Variants in SGCZ observed in about 807,000 individuals in gnomAD.
SGCZ encodes sarcoglycan zeta, also known as zeta-sarcoglycan.
Under a neutral mutation model 41.3 loss-of-function variants are expected in SGCZ, and 40 were observed. The observed-to-expected ratio is 0.97, with a 90% CI of 0.75 to 1.26. The LOEUF (loss-of-function observed/expected upper bound fraction) is 1.26, where lower values mean the gene tolerates loss of function less well. Ranked by LOEUF, SGCZ falls within the 50% of genes most tolerant of loss-of-function variation. The probability of loss-of-function intolerance (pLI) is 0.00; values close to 1 mark genes in which losing one functional copy is unlikely to be tolerated. For synonymous variants in SGCZ, 206 were observed against 137.5 expected (o/e 1.50, Z -3.49); for missense variants, 552 against 369.8 (o/e 1.49, Z -4.04).
chr8:14,215,095 T>C (rs1805949421), intron 4 of SGCZ, among the ~76,000 whole-genome samples: 1 of 152,130 alleles, frequency 6.6e-6, no homozygotes, highest in Admixed American at 6.5e-5. Context: ...AGAACCTTCA[T>C]CAAATAAAGC....
intron 1 of SGCZ, among the ~76,000 whole-genome samples, chr8:14,888,887 T>C (rs1369855979): frequency 1.3e-5 from 2 of 152,180 alleles, no homozygotes; most frequent in Admixed American, 6.5e-5. Flanking sequence ...ATTACTTTAA[T>C]GATATGGGTA....
intron 1 of SGCZ, among the ~76,000 whole-genome samples, chr8:14,573,614 TA>T (rs1320148620): frequency 6.6e-6 from 1 of 152,228 alleles, no homozygotes; most frequent in East Asian, 1.9e-4. Flanking sequence ...AACTTTGTCT[TA>T]TTTTTATTGT....
intron 2 of SGCZ, among the ~76,000 whole-genome samples, chr8:14,424,544 G>A (rs1248761929): frequency 1.3e-5 from 2 of 152,060 alleles, no homozygotes; most frequent in African/African-American, 2.4e-5. Context: ...ATCCCATATG[G>A]TACCATAATG....
At chr8:14,996,478 C>T (rs999790321) in intron 1 of SGCZ, among the ~76,000 whole-genome samples, 4 of 151,918 alleles carry the variant, frequency 2.6e-5, no homozygotes, top group South Asian at 2.1e-4. Context: ...CACAGCTTAC[C>T]GCAGCCTTGA....
chr8:14,840,320 A>G (rs28520260), intron 1 of SGCZ, among the ~76,000 whole-genome samples: 38,968 of 152,006 alleles, frequency 0.26, 5,529 homozygotes, highest in African/African-American at 0.36. Flanking sequence ...ATTTATTCAC[A>G]TAAGATTATA....
intron 2 of SGCZ, among the ~76,000 whole-genome samples, chr8:14,486,628 C>T (rs772492612): frequency 6.6e-6 from 1 of 152,202 alleles, no homozygotes; most frequent in Non-Finnish European, 1.5e-5. Context: ...GGCTGAAGTG[C>T]CACGGCACCA....
At chr8:15,189,691 G>C (rs1171501738) in intron 1 of SGCZ, among the ~76,000 whole-genome samples, 3 of 151,972 alleles carry the variant, frequency 2.0e-5, no homozygotes, top group African/African-American at 7.3e-5. Context: ...TGGGATTACA[G>C]GTGCGTGCTA....
At chr8:14,335,141 C>T (rs984367017) in intron 2 of SGCZ, among the ~76,000 whole-genome samples, 2 of 152,070 alleles carry the variant, frequency 1.3e-5, no homozygotes, top group Admixed American at 6.6e-5. Context: ...TTATGGTTCA[C>T]GAAGCTCCTA....
chr8:14,552,341 G>C (rs766951033), intron 2 of SGCZ, among the ~76,000 whole-genome samples: 1 of 152,022 alleles, frequency 6.6e-6, no homozygotes, highest in African/African-American at 2.4e-5. Context: ...CATTGAGCTA[G>C]AGAGTGTGTT....
chr8:14,654,797 G>A (rs886242003), intron 1 of SGCZ, among the ~76,000 whole-genome samples: 1 of 151,350 alleles, frequency 6.6e-6, no homozygotes, highest in East Asian at 1.9e-4. Context: ...CACATGTAAA[G>A]GTCTCATAAT....
chr8:14,904,512 T>C (rs1406735746), intron 1 of SGCZ, among the ~76,000 whole-genome samples: 1 of 152,018 alleles, frequency 6.6e-6, no homozygotes, highest in Non-Finnish European at 1.5e-5. Flanking sequence ...ACTAGAAGCA[T>C]TTTACCTTGA....
intron 1 of SGCZ, among the ~76,000 whole-genome samples, chr8:14,588,537 T>G (rs903285212): frequency 6.6e-6 from 1 of 152,062 alleles, no homozygotes; most frequent in African/African-American, 2.4e-5. Context: ...GATTCAAATA[T>G]TACAACAAAG....
chr8:14,322,239 C>G (rs556464375), intron 3 of SGCZ, among the ~76,000 whole-genome samples: 1 of 152,142 alleles, frequency 6.6e-6, no homozygotes, highest in African/African-American at 2.4e-5. Flanking sequence ...ATGTGCCTGC[C>G]CATGCTTCCT....
intron 1 of SGCZ, among the ~76,000 whole-genome samples, chr8:14,938,032 T>A (rs1024213152): frequency 6.6e-6 from 1 of 152,164 alleles, no homozygotes; most frequent in Non-Finnish European, 1.5e-5. Context: ...CAAAATTCAC[T>A]CTGTAATTCT....
intron 2 of SGCZ, among the ~76,000 whole-genome samples, chr8:14,475,785 T>C (rs1026606): frequency 0.22 from 32,907 of 152,088 alleles, 4,248 homozygotes; most frequent in Non-Finnish European, 0.3. Flanking sequence ...CAACAAGCAA[T>C]ATATTAGTTC....
chr8:14,410,052 C>T (rs750538053), intron 2 of SGCZ, among the ~76,000 whole-genome samples: 19 of 152,070 alleles, frequency 1.2e-4, no homozygotes, highest in Non-Finnish European at 2.8e-4. Flanking sequence ...CCAGCATTAC[C>T]GTCTGAGCTC....
chr8:14,199,584 C>T (rs998993513), intron 4 of SGCZ, among the ~76,000 whole-genome samples: 1 of 152,074 alleles, frequency 6.6e-6, no homozygotes, highest in Non-Finnish European at 1.5e-5. Flanking sequence ...GGTTTTACGG[C>T]TCGGGGGGCA....
At chr8:15,235,249 A>T (rs576571830) in intron 1 of SGCZ, among the ~76,000 whole-genome samples, 1 of 152,190 alleles carries the variant, frequency 6.6e-6, no homozygotes, top group African/African-American at 2.4e-5. Flanking sequence ...TACAAACTGT[A>T]TATATTTCAG....
At chr8:14,282,919 A>G (rs111622872) in intron 3 of SGCZ, among the ~76,000 whole-genome samples, 29,493 of 133,384 alleles carry the variant, frequency 0.22, 3,410 homozygotes, top group East Asian at 0.29. Flanking sequence ...GCGCGATCTC[A>G]GCTCACTGCA....
Sources: gnomAD v4.1 joint callset for allele counts (sites outside exome capture counted in the v4.1 genomes callset) on GRCh38, gnomAD v4.1.1 for gene constraint, MANE v1.5 for transcripts, NCBI Gene and HGNC (gene_info 2026-07-23, HGNC 2026-07-21) for gene names.